The following TSACC variants were observed in gnomAD, a reference collection of about 807,000 sequenced individuals.
TSACC encodes the protein TSSK6 activating cochaperone.
In TSACC, 3 loss-of-function variants were observed where a neutral mutation model predicts 6.9. The ratio of observed to expected loss-of-function variants is 0.43; its 90% CI spans 0.20 to 1.12. The LOEUF (loss-of-function observed/expected upper bound fraction) is 1.12, where lower values mean the gene tolerates loss of function less well. Among genes scored for constraint, TSACC ranks in the 50% most tolerant of loss-of-function variants. The pLI, the probability that TSACC is intolerant of heterozygous loss-of-function variation, is 0.28. For synonymous variants in TSACC, 54 were observed against 55.1 expected, an observed-to-expected ratio of 0.98 and a Z score of 0.09; for missense variants, 137 against 143.9, an observed-to-expected ratio of 0.95 and a Z score of 0.24.
At chr1:156,346,440 A>G (rs920032745) in intron 3 of TSACC, among the ~76,000 whole-genome samples, 5 of 152,212 alleles carry the variant, frequency 3.3e-5, no homozygotes, top group African/African-American at 1.2e-4. Context: ...CAAATCAGAT[A>G]AAAATCCTTG....
At chr1:156,337,337 G>A, upstream of TSACC, 1 of 260,576 alleles carries the variant, frequency 3.8e-6, no homozygotes, top group Non-Finnish European at 7.6e-6. Context: ...GAACCTGGGA[G>A]GCAGAGGTTG....
chr1:156,343,992 G>A (rs1666032792), intron 2 of TSACC, among the ~76,000 whole-genome samples: 1 of 151,968 alleles, frequency 6.6e-6, no homozygotes, highest in South Asian at 2.1e-4. Context: ...TGCCTGCCTT[G>A]GCCTCCCAAA....
At chr1:156,342,188 A>C (rs1665935559) in intron 2 of TSACC, among the ~76,000 whole-genome samples, 1 of 152,180 alleles carries the variant, frequency 6.6e-6, no homozygotes, top group Non-Finnish European at 1.5e-5. Flanking sequence ...CATTATTGAG[A>C]AGAATCTTGA....
intron 3 of TSACC, among the ~76,000 whole-genome samples, chr1:156,346,154 A>G (rs1184528546): frequency 1.3e-5 from 2 of 148,312 alleles, no homozygotes; most frequent in Middle Eastern, 3.5e-3. Context: ...AGATCGTACC[A>G]TTGTACTCTA....
Position 156,339,718 on chromosome 1 carries a change from C to T in TSACC, c.-40C>T. 6.2e-7 allele frequency: 1 copy of T among 1,612,774 alleles called. No individual in the cohort carries two copies. The highest frequency in any genetic ancestry group is 2.2e-5 in the East Asian group (1 of 44,860). ...AACATGGATTGTTGATCATCTGATG[C>T]TATGATTCTTTCCCAGGCACCACAC... is the stretch of plus-strand genomic sequence containing the variant. On this transcript the variant is annotated 5_prime_UTR_variant, in exon 2 of 4. Transcript: ENST00000368254.
chr1:156,343,780 G>T (rs1323110881), intron 2 of TSACC, among the ~76,000 whole-genome samples: 1 of 151,908 alleles, frequency 6.6e-6, no homozygotes, highest in Admixed American at 6.6e-5. Flanking sequence ...CACCCTTGTT[G>T]CCCAGGCTGG....
chr1:156,343,717 T>TG (rs1224166456), intron 2 of TSACC, among the ~76,000 whole-genome samples: 1 of 152,080 alleles, frequency 6.6e-6, no homozygotes, highest in Non-Finnish European at 1.5e-5. Context: ...CAGTATAGCC[T>TG]GGCTTCTCAA....
chr1:156,345,907 G>A (rs1666146854), intron 3 of TSACC, among the ~76,000 whole-genome samples: 1 of 151,158 alleles, frequency 6.6e-6, no homozygotes, highest in Admixed American at 6.6e-5. Context: ...GAAAAAGAAT[G>A]GACTGGCCAG....
At position 156,344,641 on chromosome 1, in the gene TSACC, T is replaced by C; in HGVS notation, c.96T>C (p.Tyr32=). ...PLCRAKPSPS[Y]INLQASSPPA... The stretch of plus-strand genomic sequence containing the variant: ...GTAGAGCAAAACCCTCCCCCAGCTA[T>C]ATTAATCTTCAAGCAAGTTCCCCAC... The change falls in exon 3 of 4, where the codon TAT becomes TAC. Residue 32 remains tyrosine (Y), a synonymous_variant. Coordinates refer to ENST00000368254, the MANE Select transcript of TSACC (RefSeq NM_001304817.2). 1.9e-6 allele frequency: 3 copies of C among 1,614,078 alleles called. 1 individual carries two copies. The South Asian group carries it at 3.3e-5, about 18-fold the overall frequency.
upstream of TSACC, chr1:156,338,082 G>T: frequency 6.6e-7 from 1 of 1,511,326 alleles, no homozygotes; most frequent in Non-Finnish European, 9.0e-7. Context: ...GGACGGAGCT[G>T]GGGCAACACT....
At chr1:156,343,459 T>C (rs1270919953) in intron 2 of TSACC, among the ~76,000 whole-genome samples, 1 of 152,204 alleles carries the variant, frequency 6.6e-6, no homozygotes, top group Non-Finnish European at 1.5e-5. Context: ...TCTCATGATA[T>C]GCTAGCCAAA....
At chr1:156,338,186 G>A, upstream of TSACC, 1 of 1,587,564 alleles carries the variant, frequency 6.3e-7, no homozygotes, top group South Asian at 1.2e-5. Flanking sequence ...GCCCATCATG[G>A]CGACGCGATG....
chr1:156,339,256 C>T (rs1350386630), intron 1 of TSACC, among the ~76,000 whole-genome samples: 1 of 134,622 alleles, frequency 7.4e-6, no homozygotes, highest in East Asian at 2.2e-4. Context: ...GAGCGAGACT[C>T]CATCTCAAAA....
At chr1:156,340,413 A>T (rs1570951408) in intron 2 of TSACC, among the ~76,000 whole-genome samples, 2 of 141,758 alleles carry the variant, frequency 1.4e-5, no homozygotes, top group Admixed American at 7.2e-5. Context: ...ACTGCCTTGG[A>T]CTCCCAAAGT....
At chr1:156,343,684 G>A (rs1017639887) in intron 2 of TSACC, among the ~76,000 whole-genome samples, 1 of 152,146 alleles carries the variant, frequency 6.6e-6, no homozygotes, top group Admixed American at 6.5e-5. Context: ...TTGTTAGGGA[G>A]AGGGGCTTGA....
chr1:156,346,742 C>T (rs1391305457), intron 3 of TSACC, 26 bp from the exon 4 acceptor site: 9 of 1,607,288 alleles, frequency 5.6e-6, no homozygotes, highest in Non-Finnish European at 7.7e-6. Flanking sequence ...TGTTCCCTTG[C>T]ACCTCCGTTG....
chr1:156,338,135 T>C, upstream of TSACC: 1 of 1,580,070 alleles, frequency 6.3e-7, no homozygotes, highest in Non-Finnish European at 8.6e-7. Context: ...GTCCATTTCC[T>C]GGCATCCCCA....
At chr1:156,338,725 G>T (rs1297265823) in intron 1 of TSACC, 120 bp downstream of exon 1, 1 of 155,870 alleles carries the variant, frequency 6.4e-6, no homozygotes, top group Admixed American at 6.4e-5. Flanking sequence ...AGAGAGGCGG[G>T]ACTCCAGCCA....
At chr1:156,340,362 T>C (rs1006960148) in intron 2 of TSACC, among the ~76,000 whole-genome samples, 1 of 152,024 alleles carries the variant, frequency 6.6e-6, no homozygotes, top group African/African-American at 2.4e-5. Context: ...GGTTTCACCG[T>C]GTCAGCCAGG....
Sources: allele counts gnomAD v4.1 joint callset (sites outside exome capture counted in the v4.1 genomes callset), GRCh38; gene constraint gnomAD v4.1.1; transcripts MANE v1.5; gene names NCBI Gene and HGNC (gene_info 2026-07-23, HGNC 2026-07-21).